Variants in EXTL3 observed in about 807,000 individuals in gnomAD.
The protein encoded by EXTL3 is exostosin-like 3.
In EXTL3, 27 loss-of-function variants were observed where a neutral mutation model predicts 69.3. The observed-to-expected ratio is 0.39, with a 90% CI of 0.29 to 0.54. The LOEUF (loss-of-function observed/expected upper bound fraction) is 0.54, where lower values mean the gene tolerates loss of function less well. EXTL3 is among the 20% of genes least tolerant of loss of function. The probability of loss-of-function intolerance (pLI) is 0.69; values close to 1 mark genes in which losing one functional copy is unlikely to be tolerated. For missense variants in EXTL3, 1,003 were observed against 1,231.8 expected, an observed-to-expected ratio of 0.81 and a Z score of 2.78; for synonymous variants, 511 against 499.4, an observed-to-expected ratio of 1.02 and a Z score of -0.31.
rs114668432 is a variant in EXTL3 at position 28,610,190 on chromosome 8, G to A, written n.314+2432G>A. Among the ~76,000 whole-genome samples, 1,286 of 149,906 alleles carry A rather than the reference G, an allele frequency of 8.6e-3. 19 individuals are homozygous for A. The highest frequency in any genetic ancestry group is 0.03 in the African/African-American group (1,200 of 39,558). On this transcript the variant is annotated intron_variant and non_coding_transcript_variant, in intron 2 of 4. Coordinates refer to the EXTL3 transcript ENST00000522725. ...TTTACTCCAGACTGAGCGACAGAGC[G>A]AGACTCCATCTCAAAAATATGTATA...
At position 28,725,105 on chromosome 8, in the gene EXTL3, A is replaced by G. The variant is rs118190171; in HGVS notation, c.2149-6118A>G. On this transcript the variant is annotated intron_variant, in intron 3 of 6. Transcript: ENST00000220562. ...TTTCATTCTCAGATATGGATTTGCT[A>G]TAGGGATGTATTATGTACGTATATA... Among the ~76,000 whole-genome samples, 1,362 of 152,182 alleles carry G rather than the reference A, an allele frequency of 8.9e-3. 9 individuals carry two copies. The highest frequency in any genetic ancestry group is 0.015 in the Admixed American group (224 of 15,302).
At chr8:28,736,496 A>C (rs1801654620) in intron 4 of EXTL3, among the ~76,000 whole-genome samples, 1 of 152,220 alleles carries the variant, frequency 6.6e-6, no homozygotes, top group East Asian at 1.9e-4. Flanking sequence ...TTTGGAGATG[A>C]TATAGAAGTT....
rs141390785 is a variant in EXTL3, at chr8:28,737,920, C to T, written c.2421+257C>T. On this transcript the variant is annotated intron_variant, in intron 5 of 6. Coordinates refer to ENST00000220562, the MANE Select transcript of EXTL3 (RefSeq NM_001440.4). ...ACCACTTTATCTTTCTGGGCGTTGG[C>T]TCTCCGTTTGTAAAACTGAGGGCAC... Among the ~76,000 whole-genome samples the T allele has an allele frequency of 1.3e-3, 195 of 151,508 alleles. 1 individual carries two copies. The highest frequency in any genetic ancestry group is 2.3e-3 in the Non-Finnish European group (157 of 67,938).
At chr8:28,694,439 TCTA>T (rs1250441382) in intron 1 of EXTL3, among the ~76,000 whole-genome samples, 5 of 152,234 alleles carry the variant, frequency 3.3e-5, no homozygotes, top group African/African-American at 1.2e-4. Context: ...CTTTGTTAAA[TCTA>T]CTAATGCAGC....
At chr8:28,693,290 C>T (rs1800640740) in intron 1 of EXTL3, among the ~76,000 whole-genome samples, 2 of 151,862 alleles carry the variant, frequency 1.3e-5, no homozygotes, top group Non-Finnish European at 1.5e-5. Context: ...GCTGGGATTA[C>T]AGGCGCCCGC....
intron 2 of EXTL3, among the ~76,000 whole-genome samples, chr8:28,609,132 A>G (rs945789664): frequency 3.6e-5 from 5 of 138,370 alleles, no homozygotes; most frequent in Non-Finnish European, 8.1e-5. Context: ...GACACATTTG[A>G]GGCAGAAATA....
intron 2 of EXTL3, 134 bp downstream of exon 2, chr8:28,713,684 T>A: frequency 1.6e-6 from 1 of 617,684 alleles, no homozygotes; most frequent in Non-Finnish European, 2.9e-6. Flanking sequence ...ATTTAAACAT[T>A]TGAATCACAA....
rs1448387228 is a variant in EXTL3 at position 28,752,156 on chromosome 8, C to CT, written c.*1291dup. 2 of 152,230 alleles carry CT rather than the reference C, an allele frequency of 1.3e-5. No homozygotes were observed. Among genetic ancestry groups the CT allele is most frequent in the African/African-American group, 4.8e-5 (2 of 41,442 alleles). 9.4% of individuals were successfully genotyped at this position (152,230 alleles called of 1,614,324 possible). On this transcript the variant is annotated 3_prime_UTR_variant, in exon 7 of 7. Transcript: ENST00000220562. The stretch of plus-strand genomic sequence containing the variant: ...GTAAGCTCACATCCAGCCTTGGAAT[C>CT]TAACGGGCATTCACAACCCGAGTTA...
At chr8:28,617,733 T>G (rs373258307), upstream of EXTL3, among the ~76,000 whole-genome samples, 8 of 152,308 alleles carry the variant, frequency 5.3e-5, no homozygotes, top group South Asian at 1.7e-3. Flanking sequence ...TGCAGTGAGA[T>G]AGTGCCACTG....
At chr8:28,706,733 C>G (rs749174924) in intron 1 of EXTL3, among the ~76,000 whole-genome samples, 1 of 152,100 alleles carries the variant, frequency 6.6e-6, no homozygotes, top group Non-Finnish European at 1.5e-5. Context: ...TCACTTGAAC[C>G]CTTTTTTTGT....
chr8:28,691,674 GAT>G (rs1369089080), intron 1 of EXTL3, among the ~76,000 whole-genome samples: 4 of 150,890 alleles, frequency 2.7e-5, no homozygotes, highest in Non-Finnish European at 5.9e-5. Flanking sequence ...GAGGTGGGTG[GAT>G]CACCTGAGGT....
intron 1 of EXTL3, among the ~76,000 whole-genome samples, chr8:28,692,763 G>A (rs1800633260): frequency 6.6e-6 from 1 of 152,172 alleles, no homozygotes; most frequent in Non-Finnish European, 1.5e-5. Context: ...AAAGTAGTGA[G>A]CAGTTGATTT....
At chr8:28,681,099 C>G (rs1807479903) in intron 1 of EXTL3, among the ~76,000 whole-genome samples, 1 of 151,470 alleles carries the variant, frequency 6.6e-6, no homozygotes, top group East Asian at 2.0e-4. Flanking sequence ...TGGTCTCAAA[C>G]TCCTGACCTT....
chr8:28,682,031 T>G (rs1443502521), intron 1 of EXTL3, among the ~76,000 whole-genome samples: 1 of 152,176 alleles, frequency 6.6e-6, no homozygotes, highest in Non-Finnish European at 1.5e-5. Flanking sequence ...TGCACTCCAG[T>G]CTGGGCAACA....
At chr8:28,634,856 T>C (rs1018670756) in intron 1 of EXTL3, among the ~76,000 whole-genome samples, 2 of 152,044 alleles carry the variant, frequency 1.3e-5, no homozygotes, top group African/African-American at 4.8e-5. Flanking sequence ...CGGCCTCCCA[T>C]AGTGCTGAGA....
intron 1 of EXTL3, among the ~76,000 whole-genome samples, chr8:28,683,600 G>A (rs1439481448): frequency 2.6e-5 from 4 of 152,092 alleles, no homozygotes; most frequent in African/African-American, 9.7e-5. Flanking sequence ...GGATCACAAG[G>A]TCAGGAGATC....
intron 4 of EXTL3, 121 bp downstream of exon 4, chr8:28,731,471 A>G: frequency 9.7e-7 from 1 of 1,033,952 alleles, no homozygotes; most frequent in Non-Finnish European, 1.5e-6. Context: ...GTCAGGGCTG[A>G]TGTAGGACGT....
upstream of EXTL3, among the ~76,000 whole-genome samples, chr8:28,620,471 A>G (rs1194958661): frequency 6.6e-6 from 1 of 152,062 alleles, no homozygotes. Context: ...ATAACTGCCA[A>G]CCCCTGTCCT....
Position 28,716,655 on chromosome 8 carries a change from A to G in EXTL3, c.596A>G (p.Tyr199Cys). The G allele has an allele frequency of 6.2e-7, 1 of 1,614,194 alleles. No individual in the cohort carries two copies. Among genetic ancestry groups the G allele is most frequent in the Admixed American group, 1.7e-5 (1 of 60,030 alleles). Residue 199 changes from tyrosine (Y) to cysteine (C), a missense_variant, in exon 3 of 7, where the codon TAT (tyrosine) becomes TGT (cysteine). Tyr to Cys is a radical substitution (Grantham distance 194). Transcript: ENST00000220562. This position sits in a 1 kb window ranked among gnomAD's most constrained non-coding sequence, Gnocchi z 7.1. ...PLTSGFPVYVYDSDQFVFGSY... is the reference protein window; with the variant it reads ...PLTSGFPVYVCDSDQFVFGSY... ...ACCTCTGGCTTCCCGGTCTACGTCTATGACAGTGACCAGTTTGTCTTTGGC... is the reference window on the plus strand; with the variant it reads ...ACCTCTGGCTTCCCGGTCTACGTCTGTGACAGTGACCAGTTTGTCTTTGGC...
Sources: allele counts gnomAD v4.1 joint callset (sites outside exome capture counted in the v4.1 genomes callset), GRCh38; gene constraint gnomAD v4.1.1; non-coding constraint Gnocchi (gnomAD v3.1); transcripts MANE v1.5; gene names NCBI Gene and HGNC (gene_info 2026-07-23, HGNC 2026-07-21).